The following CLUAP1 variants were observed in gnomAD, a reference collection of about 807,000 sequenced individuals.
CLUAP1 encodes intraflagellar transport 38, also known as clusterin-associated protein 1.
CLUAP1 carries 50 observed loss-of-function variants against 55.0 expected under a neutral mutation model. The observed-to-expected ratio is 0.91, with a 90% CI of 0.72 to 1.15. The LOEUF (loss-of-function observed/expected upper bound fraction) is 1.15. Ranked by LOEUF, CLUAP1 falls within the 50% of genes most tolerant of loss-of-function variation. The pLI, the probability that CLUAP1 is intolerant of heterozygous loss-of-function variation, is 0.00. For missense variants in CLUAP1, 530 were observed against 507.6 expected, an observed-to-expected ratio of 1.04 and a Z score of -0.42; for synonymous variants, 195 against 175.4, an observed-to-expected ratio of 1.11 and a Z score of -0.88.
chr16:3,536,176 G>T lies in CLUAP1; in HGVS notation c.1147G>T (p.Asp383Tyr). 6.2e-7 allele frequency: 1 copy of T among 1,614,182 alleles called. No homozygotes were observed. Among genetic ancestry groups the T allele is most frequent in the Middle Eastern group, 1.7e-4 (1 of 6,060 alleles). ...GGAAGATGATGATGACGAGGATGAC[G>T]ATTTGGAAGACGAGAGCATTTCTCT... ...DMEDDDDEDD[D>Y]LEDESISLSP... Residue 383 changes from aspartate (D) to tyrosine (Y), a missense_variant, in exon 12 of 12, where the codon GAT becomes TAT. Physicochemically the swap from Asp to Tyr is radical, Grantham distance 160. Coordinates refer to ENST00000576634, the MANE Select transcript of CLUAP1 (RefSeq NM_015041.3).
At chr16:3,516,417 C>CA (rs1596392039) in intron 6 of CLUAP1, among the ~76,000 whole-genome samples, 1 of 152,286 alleles carries the variant, frequency 6.6e-6, no homozygotes, top group East Asian at 1.9e-4. Flanking sequence ...CCTAGGGAGT[C>CA]AGAGCCTCAC....
At chr16:3,511,071 C>T (rs2037616261) in intron 4 of CLUAP1, among the ~76,000 whole-genome samples, 3 of 152,166 alleles carry the variant, frequency 2.0e-5, no homozygotes, top group African/African-American at 7.2e-5. Flanking sequence ...TGACAGACTC[C>T]TGCAAAGAAG....
chr16:3,515,402 A>G (rs764215403), intron 5 of CLUAP1, 106 bp from the exon 6 acceptor site: 12 of 743,690 alleles, frequency 1.6e-5, no homozygotes, highest in Non-Finnish European at 2.6e-5. Context: ...TCCACATGGC[A>G]ATAAACTTCG....
chr16:3,503,298 G>A (rs1415659742), intron 1 of CLUAP1, among the ~76,000 whole-genome samples: 2 of 151,940 alleles, frequency 1.3e-5, no homozygotes, highest in African/African-American at 4.8e-5. Context: ...TAGTAGCTGG[G>A]ACTACAGGTG....
At chr16:3,525,055 A>T (rs2037915013) in intron 8 of CLUAP1, among the ~76,000 whole-genome samples, 1 of 152,206 alleles carries the variant, frequency 6.6e-6, no homozygotes, top group South Asian at 2.1e-4. Context: ...AGGAGGGCTA[A>T]CTGGGAGTAC....
Position 3,536,315 on chromosome 16 carries a change from G to A in CLUAP1, c.*44G>A. ...CTGGCAGATTAAAACCCTCAGACTT[G>A]TAGGTAAATGGGAACTTAGAAGGTT... On this transcript the variant is annotated 3_prime_UTR_variant, in exon 12 of 12. Transcript: ENST00000576634. 6.3e-7 allele frequency: 1 copy of A among 1,594,506 alleles called. No individual in the cohort carries two copies. Among genetic ancestry groups the A allele is most frequent in the Non-Finnish European group, 8.6e-7 (1 of 1,168,258 alleles).
chr16:3,504,364 C>T (rs1475777498), intron 1 of CLUAP1, among the ~76,000 whole-genome samples: 1 of 152,174 alleles, frequency 6.6e-6, no homozygotes, highest in African/African-American at 2.4e-5. Flanking sequence ...CCACTGTTGA[C>T]ATTTAAAAAT....
chr16:3,504,800 G>A lies in CLUAP1; in HGVS notation c.103G>A (p.Val35Ile). 6.2e-7 allele frequency: 1 copy of A among 1,611,054 alleles called. No homozygotes were observed. The change falls in exon 2 of 12, where the codon GTA becomes ATA. Residue 35 changes from valine to isoleucine, a missense_variant. By Grantham distance (29) the Val-to-Ile change is conservative (BLOSUM62 3). Coordinates refer to ENST00000576634, the MANE Select transcript of CLUAP1 (RefSeq NM_015041.3). The stretch of plus-strand genomic sequence containing the variant: ...TTTCCGTACACCCAATTTTGGACTT[G>A]TATCTGAAGTGCTTCTCTGGCTTGT... ...ENFRTPNFGL[V>I]SEVLLWLVKR...
chr16:3,498,863 A>AAAACAAAC (rs201830529), upstream of CLUAP1, among the ~76,000 whole-genome samples: 8 of 151,416 alleles, frequency 5.3e-5, no homozygotes, highest in Non-Finnish European at 7.4e-5. Context: ...TCCATCTCAA[A>AAAACAAAC]AAACAAACAA....
chr16:3,515,483 C>A (rs543272266), intron 5 of CLUAP1, 25 bp from the exon 6 acceptor site: 1 of 1,518,408 alleles, frequency 6.6e-7, no homozygotes. Context: ...TGAAAATATA[C>A]GTAAATGATT....
At chr16:3,500,723 C>A (rs187950933), upstream of CLUAP1, among the ~76,000 whole-genome samples, 220 of 152,278 alleles carry the variant, frequency 1.4e-3, no homozygotes, top group African/African-American at 4.9e-3. Context: ...ATATGGAAAG[C>A]GCCTAGCGCA....
upstream of CLUAP1, chr16:3,500,974 G>A (rs1396047293): frequency 2.3e-6 from 3 of 1,312,244 alleles, no homozygotes; most frequent in Non-Finnish European, 3.2e-6. Flanking sequence ...CCGTCCAAGG[G>A]TCCATTGGTT....
intron 5 of CLUAP1, among the ~76,000 whole-genome samples, chr16:3,513,373 G>A (rs1179298691): frequency 6.6e-6 from 1 of 152,246 alleles, no homozygotes; most frequent in African/African-American, 2.4e-5. Flanking sequence ...TCCAGCCAAT[G>A]CCAGCCAAGA....
chr16:3,507,506 GC>G (rs1418713546), intron 3 of CLUAP1, among the ~76,000 whole-genome samples: 2 of 151,288 alleles, frequency 1.3e-5, no homozygotes, highest in African/African-American at 4.9e-5. Context: ...GCTGCAGTGA[GC>G]CGGGATCATG....
intron 10 of CLUAP1, among the ~76,000 whole-genome samples, chr16:3,532,109 G>A (rs1391540769): frequency 1.3e-5 from 2 of 151,990 alleles, no homozygotes; most frequent in Non-Finnish European, 2.9e-5. Flanking sequence ...AAAGTGCTGG[G>A]ATTACAGGCC....
rs753912782 is a variant in CLUAP1, at chr16:3,530,695, T to C, written c.1036+20T>C. ...TGCAAGGTACCCCGGCGTCTTTCGC[T>C]GGACTTCCTCCCTGCGCCCTGTTTC... On this transcript the variant is annotated intron_variant, in intron 10 of 11. Transcript: ENST00000576634. 4 of 1,592,324 alleles carry C rather than the reference T, an allele frequency of 2.5e-6. No homozygotes were observed. Among genetic ancestry groups the C allele is most frequent in the Non-Finnish European group, 3.4e-6 (4 of 1,160,826 alleles).
At chr16:3,534,750 C>G (rs1596409126) in intron 11 of CLUAP1, 1 of 152,250 alleles carries the variant, frequency 6.6e-6, no homozygotes, top group South Asian at 2.1e-4. Flanking sequence ...AGCAGAGTTT[C>G]ATTTTCTGAG....
chr16:3,511,921 T>C (rs1018954155), intron 4 of CLUAP1, among the ~76,000 whole-genome samples: 1 of 152,058 alleles, frequency 6.6e-6, no homozygotes, highest in African/African-American at 2.4e-5. Flanking sequence ...GCACGGTGGC[T>C]CACGCCTGTG....
chr16:3,514,982 G>A (rs918823763), intron 5 of CLUAP1, among the ~76,000 whole-genome samples: 7 of 152,116 alleles, frequency 4.6e-5, no homozygotes, highest in Non-Finnish European at 8.8e-5. Context: ...TGTTCTTATC[G>A]GTTGCGTTTG....
Sources: allele counts gnomAD v4.1 joint callset (sites outside exome capture counted in the v4.1 genomes callset), GRCh38; gene constraint gnomAD v4.1.1; transcripts MANE v1.5; gene names NCBI Gene and HGNC (gene_info 2026-07-23, HGNC 2026-07-21).